Variants in CFAP54 observed in about 807,000 individuals in gnomAD.
CFAP54 encodes the protein cilia- and flagella-associated protein 54.
A neutral mutation model predicts 370.4 loss-of-function variants in CFAP54; 290 were observed. The ratio of observed to expected loss-of-function variants is 0.78; its 90% CI spans 0.71 to 0.86. The LOEUF is 0.86. Among genes scored for constraint, CFAP54 ranks in the 40% least tolerant of loss-of-function variants. The pLI, the probability that CFAP54 is intolerant of heterozygous loss-of-function variation, is 0.00. For synonymous variants in CFAP54, 1,206 were observed against 1,236.5 expected, an observed-to-expected ratio of 0.98 and a Z score of 0.52; for missense variants, 3,399 against 3,528.7, an observed-to-expected ratio of 0.96 and a Z score of 0.93.
intron 34 of CFAP54, among the ~76,000 whole-genome samples, chr12:96,648,658 G>GGCT (rs1307351952): frequency 5.4e-5 from 8 of 147,600 alleles, no homozygotes; most frequent in African/African-American, 2.0e-4. Context: ...TGGCGATCTC[G>GGCT]GCTGGCTGCA....
chr12:96,512,335 ATATATATATATATATG>A (rs1955181063), intron 4 of CFAP54, among the ~76,000 whole-genome samples: 3 of 37,790 alleles, frequency 7.9e-5, no homozygotes, highest in African/African-American at 2.2e-4. Context: ...ATATATATAT[ATATATATATATATATG>A]TATATATTTG....
chr12:96,644,752 G>A (rs1228082826), intron 33 of CFAP54, among the ~76,000 whole-genome samples: 4 of 152,120 alleles, frequency 2.6e-5, no homozygotes, highest in African/African-American at 9.7e-5. Context: ...GATCTTGTGA[G>A]ACTCATTATC....
intron 25 of CFAP54, 87 bp from the exon 26 acceptor site, chr12:96,598,558 G>T: frequency 2.2e-6 from 1 of 448,308 alleles, no homozygotes; most frequent in South Asian, 6.1e-5. Flanking sequence ...ATGTCTTAAA[G>T]CTTGCATTAT....
chr12:96,538,588 A>G (rs984506688), intron 13 of CFAP54, 70 bp downstream of exon 13: 13 of 1,470,652 alleles, frequency 8.8e-6, no homozygotes, highest in Non-Finnish European at 1.1e-5. Context: ...CACACATTTC[A>G]AATCTAAATT....
intron 59 of CFAP54, 114 bp downstream of exon 59, chr12:96,764,363 C>T: frequency 1.4e-6 from 1 of 704,480 alleles, no homozygotes; most frequent in Non-Finnish European, 2.2e-6. Flanking sequence ...TACCTCATGC[C>T]TGTTATCCCA....
chr12:96,767,783 C>T (rs1351227755), intron 60 of CFAP54, among the ~76,000 whole-genome samples: 1 of 152,084 alleles, frequency 6.6e-6, no homozygotes, highest in Non-Finnish European at 1.5e-5. Context: ...ATTTTCCTTG[C>T]ATTAGCATAA....
chr12:96,756,688 G>T, intron 57 of CFAP54, 125 bp downstream of exon 57: 1 of 663,446 alleles, frequency 1.5e-6, no homozygotes, highest in Non-Finnish European at 2.7e-6. Flanking sequence ...AGTTCATGGG[G>T]TCCATCTCAA....
At chr12:96,711,551 G>C (rs1388690799) in intron 48 of CFAP54, among the ~76,000 whole-genome samples, 1 of 152,182 alleles carries the variant, frequency 6.6e-6, no homozygotes, top group Non-Finnish European at 1.5e-5. Context: ...GTGCCAGTTT[G>C]AAGTGAAGTT....
chr12:96,680,015 G>A (rs1957253011), intron 40 of CFAP54, among the ~76,000 whole-genome samples: 1 of 152,144 alleles, frequency 6.6e-6, no homozygotes, highest in African/African-American at 2.4e-5. Flanking sequence ...ATTAATTTTT[G>A]ATTCTGTACA....
chr12:96,677,525 T>C (rs1957224929), intron 39 of CFAP54, among the ~76,000 whole-genome samples: 1 of 151,860 alleles, frequency 6.6e-6, no homozygotes, highest in Non-Finnish European at 1.5e-5. Flanking sequence ...GGTGGGGGCA[T>C]GAGGAGTAGG....
At chr12:96,520,884 A>G (rs1275649222) in intron 6 of CFAP54, among the ~76,000 whole-genome samples, 1 of 152,232 alleles carries the variant, frequency 6.6e-6, no homozygotes, top group Non-Finnish European at 1.5e-5. Context: ...TTCCTGCCTG[A>G]ACTAATTCTG....
intron 26 of CFAP54, among the ~76,000 whole-genome samples, chr12:96,609,510 C>G (rs1260280940): frequency 6.6e-6 from 1 of 152,062 alleles, no homozygotes; most frequent in African/African-American, 2.4e-5. Flanking sequence ...GGAGCCATTT[C>G]TTTAAAAATC....
At chr12:96,823,207 A>G (rs1353651831) in intron 65 of CFAP54, among the ~76,000 whole-genome samples, 3 of 152,180 alleles carry the variant, frequency 2.0e-5, no homozygotes, top group Non-Finnish European at 4.4e-5. Context: ...TAGCTCACAC[A>G]GCATTTTCTA....
chr12:96,764,717 AATCTCTCT>A (rs1198295154), intron 59 of CFAP54, among the ~76,000 whole-genome samples: 2 of 152,230 alleles, frequency 1.3e-5, no homozygotes, highest in African/African-American at 2.4e-5. Context: ...TAGTGTTTTC[AATCTCTCT>A]ATTAGCCAGA....
intron 6 of CFAP54, among the ~76,000 whole-genome samples, chr12:96,519,607 C>T (rs1955280689): frequency 6.6e-6 from 1 of 152,136 alleles, no homozygotes; most frequent in East Asian, 1.9e-4. Context: ...CTTCTTTGCT[C>T]CATTTCTGAG....
intron 12 of CFAP54, among the ~76,000 whole-genome samples, chr12:96,537,629 G>A (rs1990693): frequency 0.4 from 61,505 of 152,034 alleles, 12,945 homozygotes; most frequent in South Asian, 0.46. Flanking sequence ...GGTCTGAGCC[G>A]CTGCGCCTGT....
intron 17 of CFAP54, among the ~76,000 whole-genome samples, chr12:96,557,568 CTG>C: frequency 6.6e-6 from 1 of 152,138 alleles, no homozygotes; most frequent in East Asian, 1.9e-4. Context: ...GATAAAGAAA[CTG>C]TGATATATTC....
chr12:96,721,700 C>T (rs577830685), intron 50 of CFAP54, among the ~76,000 whole-genome samples: 3 of 152,174 alleles, frequency 2.0e-5, no homozygotes, highest in Non-Finnish European at 4.4e-5. Flanking sequence ...TTTCAATATG[C>T]TAGGCACTGT....
chr12:96,766,176 T>A (rs1343037532), intron 60 of CFAP54, among the ~76,000 whole-genome samples: 2 of 152,228 alleles, frequency 1.3e-5, no homozygotes, highest in East Asian at 3.9e-4. Flanking sequence ...GTTAAAGTGT[T>A]AATGTCTAAC....
Sources: allele counts gnomAD v4.1 joint callset (sites outside exome capture counted in the v4.1 genomes callset), GRCh38; gene constraint gnomAD v4.1.1; transcripts MANE v1.5; gene names NCBI Gene and HGNC (gene_info 2026-07-23, HGNC 2026-07-21).